RAB10: variants seen among roughly 807,000 people sequenced by gnomAD.
RAB10 encodes ras-related protein Rab-10.
A neutral mutation model predicts 25.7 loss-of-function variants in RAB10; 5 were observed. The observed-to-expected ratio is 0.19, with a 90% confidence interval of 0.10 to 0.41. The LOEUF (loss-of-function observed/expected upper bound fraction) is 0.41. RAB10 is among the 10% of genes least tolerant of loss of function. RAB10 has a pLI of 1.00. For synonymous variants in RAB10, 89 were observed against 86.4 expected (o/e 1.03, Z -0.16); for missense variants, 103 against 245.8 (o/e 0.42, Z 3.89).
chr2:26,046,025 G>A (rs17047260), intron 1 of RAB10, among the ~76,000 whole-genome samples: 5,206 of 152,226 alleles, frequency 0.034, 299 homozygotes, highest in African/African-American at 0.12. Flanking sequence ...AATTTGGACT[G>A]TAAGAAAAGG....
intron 3 of RAB10, among the ~76,000 whole-genome samples, chr2:26,115,447 G>T (rs1368317757): frequency 6.6e-6 from 1 of 152,128 alleles, no homozygotes; most frequent in Non-Finnish European, 1.5e-5. Flanking sequence ...GTACAGTGTG[G>T]GTGAACCTTG....
chr2:26,088,951 T>G (rs944728702), intron 1 of RAB10, among the ~76,000 whole-genome samples: 2 of 151,620 alleles, frequency 1.3e-5, no homozygotes, highest in Non-Finnish European at 2.9e-5. Context: ...GGTGTTTGCA[T>G]GTGGGTATAT....
chr2:26,071,099 G>A (rs1302913202), intron 1 of RAB10, among the ~76,000 whole-genome samples: 1 of 152,172 alleles, frequency 6.6e-6, no homozygotes, highest in South Asian at 2.1e-4. Context: ...TATCCTTGAT[G>A]AAGTAGAATT....
intron 3 of RAB10, among the ~76,000 whole-genome samples, chr2:26,113,588 A>G (rs1208160849): frequency 6.6e-6 from 1 of 151,706 alleles, no homozygotes; most frequent in African/African-American, 2.4e-5. Context: ...AAAAGTCAAC[A>G]AACTAGGAAT....
At chr2:26,134,901 T>C (rs760161902) in intron 5 of RAB10, 37 bp from the exon 6 acceptor site, 1 of 1,530,428 alleles carries the variant, frequency 6.5e-7, no homozygotes, top group Admixed American at 1.7e-5. Flanking sequence ...ATGGCAGTGT[T>C]TTTTCATGAG....
At chr2:26,108,625 A>AC (rs35528467) in intron 2 of RAB10, among the ~76,000 whole-genome samples, 111,585 of 151,040 alleles carry the variant, frequency 0.74, 41,392 homozygotes, top group East Asian at 0.87. Context: ...TAAAAAAAAA[A>AC]AACCCTGAAA....
intron 4 of RAB10, 139 bp downstream of exon 4, chr2:26,127,372 T>C: frequency 2.9e-6 from 2 of 682,890 alleles, no homozygotes; most frequent in Non-Finnish European, 4.7e-6. Flanking sequence ...AATAATATTT[T>C]ATCATTTGAG....
intron 5 of RAB10, among the ~76,000 whole-genome samples, chr2:26,132,625 CA>C (rs767145574): frequency 6.6e-6 from 1 of 152,046 alleles, no homozygotes; most frequent in South Asian, 2.1e-4. Flanking sequence ...TTCCTTTGCC[CA>C]ATTTTTCTAT....
chr2:26,061,177 C>CCA (rs1666387538), intron 1 of RAB10, among the ~76,000 whole-genome samples: 1 of 143,806 alleles, frequency 7.0e-6, no homozygotes, highest in African/African-American at 2.6e-5. Flanking sequence ...TGCAGTGGTG[C>CCA]CATCTCAGCT....
intron 1 of RAB10, among the ~76,000 whole-genome samples, chr2:26,090,512 T>TA (rs397766657): frequency 3.5e-4 from 52 of 150,068 alleles, no homozygotes; most frequent in Non-Finnish European, 6.2e-4. Context: ...CTTTTTTTTT[T>TA]ATTATTTTCT....
intron 3 of RAB10, among the ~76,000 whole-genome samples, chr2:26,124,077 C>T: frequency 6.6e-6 from 1 of 152,008 alleles, no homozygotes; most frequent in East Asian, 1.9e-4. Flanking sequence ...TTATGATTTT[C>T]TTAATAACAT....
intron 1 of RAB10, among the ~76,000 whole-genome samples, chr2:26,064,400 G>C (rs1666470631): frequency 6.6e-6 from 1 of 152,026 alleles, no homozygotes; most frequent in Non-Finnish European, 1.5e-5. Flanking sequence ...TCTGCTCATT[G>C]CAACCTCCAC....
chr2:26,044,269 C>T (rs1474205662), intron 1 of RAB10, among the ~76,000 whole-genome samples: 2 of 152,252 alleles, frequency 1.3e-5, no homozygotes, highest in Non-Finnish European at 2.9e-5. Flanking sequence ...CAGACGGCCC[C>T]TCCTGTTCCA....
At chr2:26,089,323 T>A (rs1667055113) in intron 1 of RAB10, among the ~76,000 whole-genome samples, 1 of 151,342 alleles carries the variant, frequency 6.6e-6, no homozygotes, top group African/African-American at 2.4e-5. Flanking sequence ...CTCAGGAGGC[T>A]GAGGCAGGAG....
At chr2:26,134,624 G>A (rs1275175518) in intron 5 of RAB10, among the ~76,000 whole-genome samples, 1 of 152,154 alleles carries the variant, frequency 6.6e-6, no homozygotes, top group East Asian at 1.9e-4. Flanking sequence ...TGCCTTTTAA[G>A]TACTAAACAT....
At chr2:26,061,685 C>T (rs574879821) in intron 1 of RAB10, among the ~76,000 whole-genome samples, 199 of 151,988 alleles carry the variant, frequency 1.3e-3, no homozygotes, top group Non-Finnish European at 2.6e-3. Flanking sequence ...GTCATTGTCC[C>T]CAGTCTTATT....
intron 3 of RAB10, among the ~76,000 whole-genome samples, chr2:26,121,759 T>C (rs1667807124): frequency 6.6e-6 from 1 of 152,186 alleles, no homozygotes; most frequent in Non-Finnish European, 1.5e-5. Context: ...TCAAGAGAAA[T>C]GTAACAGAGA....
chr2:26,117,524 A>T (rs1250239768), intron 3 of RAB10, among the ~76,000 whole-genome samples: 1 of 151,428 alleles, frequency 6.6e-6, no homozygotes, highest in African/African-American at 2.4e-5. Context: ...CTGAGGCAGG[A>T]GAATGGCGTG....
intron 1 of RAB10, among the ~76,000 whole-genome samples, chr2:26,077,780 C>A (rs1353633325): frequency 2.0e-5 from 3 of 152,106 alleles, no homozygotes; most frequent in African/African-American, 7.2e-5. Flanking sequence ...GAGACAGAGA[C>A]TATTCTGGCT....
Sources: gnomAD v4.1 joint callset for allele counts (sites outside exome capture counted in the v4.1 genomes callset) on GRCh38, gnomAD v4.1.1 for gene constraint, MANE v1.5 for transcripts, NCBI Gene and HGNC (gene_info 2026-07-23, HGNC 2026-07-21) for gene names.